THSD7B: variants seen among roughly 807,000 people sequenced by gnomAD.
THSD7B encodes the protein thrombospondin type 1 domain containing 7B.
THSD7B carries 138 observed loss-of-function variants against 213.6 expected under a neutral mutation model. The observed-to-expected ratio is 0.65, with a 90% CI of 0.56 to 0.74. The LOEUF (loss-of-function observed/expected upper bound fraction) is 0.74. Ranked by LOEUF, THSD7B falls within the 30% of genes least tolerant of loss-of-function variation. The pLI is 0.00. For missense variants in THSD7B, 1,931 were observed against 1,991.5 expected (o/e 0.97, Z 0.58); for synonymous variants, 742 against 687.0 (o/e 1.08, Z -1.25).
intron 17 of THSD7B, among the ~76,000 whole-genome samples, chr2:137,597,245 T>A (rs1298670974): frequency 6.6e-6 from 1 of 152,060 alleles, no homozygotes; most frequent in Non-Finnish European, 1.5e-5. Flanking sequence ...TCTGCCTTTG[T>A]TATCAACACC....
At chr2:137,041,898 A>C (rs1686888936) in intron 2 of THSD7B, among the ~76,000 whole-genome samples, 1 of 152,234 alleles carries the variant, frequency 6.6e-6, no homozygotes, top group African/African-American at 2.4e-5. Flanking sequence ...TATGTTTGAA[A>C]GGATGTAGGA....
chr2:137,290,110 C>CTTT lies in THSD7B; in HGVS notation c.2500+14102_2500+14104dup, dbSNP rs1244519702. On this transcript the variant is annotated intron_variant, in intron 12 of 27. Transcript: ENST00000409968. ...TTACTTTTCAGCCCCAAAGAGTTTT[C>CTTT]TTTTTTTTTTTTTTTTTTTTAGATG... Among the ~76,000 whole-genome samples, 409 of 130,784 alleles carry CTTT rather than the reference C, an allele frequency of 3.1e-3. 6 individuals carry two copies. The highest frequency in any genetic ancestry group is 0.011 in the African/African-American group (393 of 35,672). 85.8% of individuals were successfully genotyped at this position (130,784 alleles called of 152,430 possible). A position where few individuals can be genotyped will look rare whatever the true frequency, so the allele number is the denominator to read the frequency against.
Position 137,319,701 on chromosome 2 carries a change from TA to T in THSD7B, c.2500+43676del, listed in dbSNP as rs756155530. ...ATCAGACACTGTGGGTGGAGGTTTC[TA>T]GTTGCCTTCACAATTCTAATTTTCT... is the stretch of plus-strand genomic sequence containing the variant. On this transcript the variant is annotated intron_variant, in intron 12 of 27. Transcript: ENST00000409968. Among the ~76,000 whole-genome samples the T allele has an allele frequency of 1.1e-4, 17 of 152,250 alleles. 1 individual carries two copies. The highest frequency in any genetic ancestry group is 2.4e-4 in the Non-Finnish European group (16 of 68,046).
chr2:137,008,986 G>A (rs1686172835), intron 2 of THSD7B, among the ~76,000 whole-genome samples: 1 of 152,092 alleles, frequency 6.6e-6, no homozygotes, highest in Admixed American at 6.6e-5. Flanking sequence ...TACCATGTGG[G>A]GCTCTTTTGT....
At chr2:136,789,578 G>A (rs1681925875) in intron 1 of THSD7B, among the ~76,000 whole-genome samples, 1 of 152,192 alleles carries the variant, frequency 6.6e-6, no homozygotes, top group South Asian at 2.1e-4. Flanking sequence ...GTCAGACACT[G>A]TACCAAGCTG....
At chr2:137,343,082 T>C (rs1225481686) in intron 12 of THSD7B, among the ~76,000 whole-genome samples, 1 of 151,628 alleles carries the variant, frequency 6.6e-6, no homozygotes, top group Non-Finnish European at 1.5e-5. Flanking sequence ...TTTTTTTTTT[T>C]TGTTTTTTGT....
intron 12 of THSD7B, among the ~76,000 whole-genome samples, chr2:137,351,585 A>G (rs1265913335): frequency 6.6e-6 from 1 of 151,906 alleles, no homozygotes; most frequent in Non-Finnish European, 1.5e-5. Flanking sequence ...GTGACCCTTG[A>G]TAGAGTTTAG....
chr2:137,125,895 C>G (rs1688622085), intron 5 of THSD7B, among the ~76,000 whole-genome samples: 1 of 152,102 alleles, frequency 6.6e-6, no homozygotes, highest in Non-Finnish European at 1.5e-5. Context: ...TTGTACATCT[C>G]CATCAGGGCT....
At chr2:137,022,536 A>C (rs1686464509) in intron 2 of THSD7B, among the ~76,000 whole-genome samples, 1 of 151,588 alleles carries the variant, frequency 6.6e-6, no homozygotes, top group South Asian at 2.1e-4. Context: ...TGTACCACAA[A>C]AAAATCTTCG....
chr2:137,191,408 C>G (rs1680657341), intron 7 of THSD7B, among the ~76,000 whole-genome samples: 1 of 151,980 alleles, frequency 6.6e-6, no homozygotes, highest in Admixed American at 6.6e-5. Context: ...CCTCAAGGCT[C>G]TGATAGGAAC....
rs34989063 is a variant in THSD7B, at chr2:137,520,834, C to T, written c.3139-42387C>T. Among the ~76,000 whole-genome samples, 922 of 152,286 alleles carry T rather than the reference C, an allele frequency of 6.1e-3. 4 individuals carry two copies. The highest frequency in any genetic ancestry group is 0.011 in the Non-Finnish European group (727 of 68,016). On this transcript the variant is annotated intron_variant, in intron 15 of 27. Transcript: ENST00000409968. ...ATAATGCTAGAGCATGATGAAATTT[C>T]TACAAATTACATTTCATAATTTAAT...
chr2:137,401,075 A>G (rs956142847), intron 12 of THSD7B, among the ~76,000 whole-genome samples: 4 of 152,234 alleles, frequency 2.6e-5, no homozygotes, highest in African/African-American at 7.2e-5. Context: ...CTTAAAGCCT[A>G]TAGTTTTATC....
intron 7 of THSD7B, among the ~76,000 whole-genome samples, chr2:137,187,425 G>A (rs1228167053): frequency 6.6e-6 from 1 of 152,148 alleles, no homozygotes; most frequent in Admixed American, 6.5e-5. Context: ...TCCTTTTAAG[G>A]GATTAGAGGG....
At chr2:137,417,587 A>G (rs985011586) in intron 14 of THSD7B, among the ~76,000 whole-genome samples, 8 of 151,920 alleles carry the variant, frequency 5.3e-5, no homozygotes, top group East Asian at 3.9e-4. Context: ...CTACTGGCTA[A>G]TTTTTTATTT....
intron 2 of THSD7B, among the ~76,000 whole-genome samples, chr2:136,976,318 A>T (rs1685480474): frequency 6.6e-6 from 1 of 152,144 alleles, no homozygotes; most frequent in Admixed American, 6.5e-5. Flanking sequence ...TCATAAATGA[A>T]TCTTATTATT....
intron 25 of THSD7B, among the ~76,000 whole-genome samples, chr2:137,660,223 AT>A (rs150331097): frequency 2.0e-5 from 3 of 151,014 alleles, no homozygotes; most frequent in Non-Finnish European, 3.0e-5. Flanking sequence ...TTATGCATGT[AT>A]TTTTTTTTCA....
chr2:136,909,567 A>C (rs1199076831), intron 2 of THSD7B, among the ~76,000 whole-genome samples: 1 of 152,214 alleles, frequency 6.6e-6, no homozygotes, highest in African/African-American at 2.4e-5. Flanking sequence ...GAATGAATGC[A>C]TGATGAAATA....
In THSD7B at chr2:137,590,947, A is replaced by G. The variant is rs1681853832; in HGVS notation, c.3423+18391A>G. ...CCTCCAGGCTGATTAGTCTATTCAC[A>G]TTTTCAGTAATTTCTTGAGCTAATT... On this transcript the variant is annotated intron_variant, in intron 17 of 27. Coordinates refer to ENST00000409968, the MANE Select transcript of THSD7B (RefSeq NM_001316349.2). Among the ~76,000 whole-genome samples the G allele has an allele frequency of 2.6e-5, 4 of 150,998 alleles. No homozygotes were observed. In the South Asian group the frequency reaches 8.4e-4, roughly 32 times the overall value.
At chr2:137,309,793 G>C (rs1244461180) in intron 12 of THSD7B, among the ~76,000 whole-genome samples, 1 of 152,052 alleles carries the variant, frequency 6.6e-6, no homozygotes, top group African/African-American at 2.4e-5. Flanking sequence ...TACTGAGAAT[G>C]ATGATTTCCA....
Sources: gnomAD v4.1 joint callset for allele counts (sites outside exome capture counted in the v4.1 genomes callset) on GRCh38, gnomAD v4.1.1 for gene constraint, MANE v1.5 for transcripts, NCBI Gene and HGNC (gene_info 2026-07-23, HGNC 2026-07-21) for gene names.